Variants in CYSLTR2 observed in about 807,000 individuals in gnomAD.
CYSLTR2 encodes cysteinyl leukotriene receptor 2.
For missense variants in CYSLTR2, 398 were observed against 411.9 expected (o/e 0.97, Z 0.29); for synonymous variants, 179 against 160.8 (o/e 1.11, Z -0.86).
rs1954595625 is a variant in CYSLTR2, at chr13:48,709,887, G to T, written c.*2029G>T. 6.6e-6 allele frequency: 1 copy of T among 152,176 alleles called. No individual in the cohort carries two copies. The highest frequency in any genetic ancestry group is 1.5e-5 in the Non-Finnish European group (1 of 68,024). 9.4% of individuals were successfully genotyped at this position (152,176 alleles called of 1,614,324 possible). A position where few individuals can be genotyped will look rare whatever the true frequency, so the allele number is the denominator to read the frequency against. On this transcript the variant is annotated 3_prime_UTR_variant, in exon 5 of 5. Transcript: ENST00000682523. ...TTCATGTTGGAGCAGGACTCTTAAA[G>T]GACTCTAGGAGAGATGTCTCCCAGA...
chr13:48,697,433 C>A (rs1016615205), intron 4 of CYSLTR2, among the ~76,000 whole-genome samples: 2 of 152,164 alleles, frequency 1.3e-5, no homozygotes, highest in Admixed American at 1.3e-4. Context: ...TTCCAACAGA[C>A]CTGCAGCTGA....
intron 1 of CYSLTR2, among the ~76,000 whole-genome samples, chr13:48,678,354 C>A (rs2138881022): frequency 6.6e-6 from 1 of 152,160 alleles, no homozygotes; most frequent in Non-Finnish European, 1.5e-5. Context: ...CTCCTTAAAG[C>A]AATCTTTTTC....
chr13:48,695,762 A>T (rs1954168906), intron 3 of CYSLTR2, among the ~76,000 whole-genome samples: 1 of 152,202 alleles, frequency 6.6e-6, no homozygotes, highest in South Asian at 2.1e-4. Flanking sequence ...CACTCCTTTC[A>T]TTGCTGAGCA....
rs148551939 is a variant in CYSLTR2 at position 48,701,915 on chromosome 13, A to G, written c.-1-4902A>G. ...ACCCAGCCATCCCATTACTGGGCAT[A>G]TACCCAAAGGATTATAAATCATGCT... On this transcript the variant is annotated intron_variant, in intron 4 of 4. Transcript: ENST00000682523. Among the ~76,000 whole-genome samples, 1,035 of 152,314 alleles carry G rather than the reference A, an allele frequency of 6.8e-3. 10 individuals carry two copies. Among genetic ancestry groups the G allele is most frequent in the African/African-American group, 0.023 (963 of 41,560 alleles).
rs1351931946 is a variant in CYSLTR2 at position 48,709,188 on chromosome 13, T to C, written c.*1330T>C. On this transcript the variant is annotated 3_prime_UTR_variant, in exon 5 of 5. Transcript: ENST00000682523. Reference sequence around the variant, plus strand: ...CTACCCTTGTAAACTTCCAGGAAGATTGGTTGAAAGTCTGAATAAAAGCTG... The same window carrying C: ...CTACCCTTGTAAACTTCCAGGAAGACTGGTTGAAAGTCTGAATAAAAGCTG... The C allele has an allele frequency of 6.0e-6, 1 of 167,112 alleles. No individual in the cohort carries two copies. Among genetic ancestry groups the C allele is most frequent in the Non-Finnish European group, 1.5e-5 (1 of 68,126 alleles). 10.4% of individuals were successfully genotyped at this position (167,112 alleles called of 1,614,324 possible). A position where few individuals can be genotyped will look rare whatever the true frequency, so the allele number is the denominator to read the frequency against.
chr13:48,708,112 A>C lies in CYSLTR2; in HGVS notation c.*254A>C. ...GGGCTGAAATATCAGACTGGGAAAAAATGCAAAGCACATTGGATCCTACTT... is the reference window on the plus strand; with the variant it reads ...GGGCTGAAATATCAGACTGGGAAAACATGCAAAGCACATTGGATCCTACTT... On this transcript the variant is annotated 3_prime_UTR_variant, in exon 5 of 5. Transcript: ENST00000682523. 2 of 346,306 alleles carry C rather than the reference A, an allele frequency of 5.8e-6. No homozygotes were observed. The allele number at this position is 346,306 out of a possible 1,614,324, so 21.5% of individuals were successfully genotyped here.
At chr13:48,679,213 T>C (rs1953681869) in intron 1 of CYSLTR2, among the ~76,000 whole-genome samples, 2 of 152,126 alleles carry the variant, frequency 1.3e-5, no homozygotes, top group African/African-American at 2.4e-5. Flanking sequence ...CTCTCCTTAG[T>C]CAATCTCTCT....
intron 1 of CYSLTR2, among the ~76,000 whole-genome samples, chr13:48,678,827 G>T (rs1207462913): frequency 6.6e-6 from 1 of 152,058 alleles, no homozygotes; most frequent in African/African-American, 2.4e-5. Context: ...AGTCTGGTCA[G>T]TTCTCACTCC....
chr13:48,697,362 G>C (rs1954219804), intron 4 of CYSLTR2, among the ~76,000 whole-genome samples: 1 of 152,214 alleles, frequency 6.6e-6, no homozygotes, highest in Non-Finnish European at 1.5e-5. Context: ...TATATTTGCT[G>C]TTCTGCCGCT....
At chr13:48,656,723 G>T (rs950249028) in intron 1 of CYSLTR2, among the ~76,000 whole-genome samples, 2 of 152,148 alleles carry the variant, frequency 1.3e-5, no homozygotes, top group African/African-American at 4.8e-5. Context: ...GATCCTTTCT[G>T]CTTTTCTATA....
rs559515853 is a variant in CYSLTR2, at chr13:48,701,600, G to T, written c.-2+4974G>T. 2.1e-4 allele frequency among the ~76,000 whole-genome samples: 32 copies of T among 152,296 alleles called. No homozygotes were observed. The East Asian group carries it at 6.2e-3, about 29-fold the overall frequency. On this transcript the variant is annotated intron_variant, in intron 4 of 4. Coordinates refer to ENST00000682523, the MANE Select transcript of CYSLTR2 (RefSeq NM_001308476.3). ...ACAACCCCATCAAAAAGTGGGCAAA[G>T]GATATGAACAGACACTTCTCAAAAG...
rs577566602 is a variant in CYSLTR2, at chr13:48,661,973, T to C, written c.-266+7956T>C. ...TATTCCTCTCATCTAGTGGTAATTT[T>C]GTATCCTTTACCAAATCTCTCCCTT... On this transcript the variant is annotated intron_variant, in intron 1 of 4. Coordinates refer to ENST00000682523, the MANE Select transcript of CYSLTR2 (RefSeq NM_001308476.3). Among the ~76,000 whole-genome samples the C allele has an allele frequency of 1.6e-4, 25 of 152,342 alleles. 1 individual carries two copies. The South Asian group carries it at 5.2e-3, about 32-fold the overall frequency.
intron 1 of CYSLTR2, among the ~76,000 whole-genome samples, chr13:48,672,804 G>A (rs911041860): frequency 6.6e-6 from 1 of 151,698 alleles, no homozygotes; most frequent in Non-Finnish European, 1.5e-5. Flanking sequence ...TTTTAGTAGA[G>A]GCGGGGTTTC....
intron 1 of CYSLTR2, among the ~76,000 whole-genome samples, chr13:48,673,760 C>G (rs1347233060): frequency 6.6e-6 from 1 of 152,038 alleles, no homozygotes; most frequent in Non-Finnish European, 1.5e-5. Context: ...CTAGCTGGTA[C>G]CGGTTTTTCT....
At chr13:48,696,799 G>A (rs969178991) in intron 4 of CYSLTR2, among the ~76,000 whole-genome samples, 173 bp downstream of exon 4, 7 of 152,170 alleles carry the variant, frequency 4.6e-5, no homozygotes, top group Non-Finnish European at 1.0e-4. Flanking sequence ...CTAATACTGT[G>A]CTTTTCCAAC....
rs1479725346 is a variant in CYSLTR2, at chr13:48,708,052, G to A, written c.*194G>A. 6.5e-6 allele frequency: 3 copies of A among 463,874 alleles called. No homozygotes were observed. Among genetic ancestry groups the A allele is most frequent in the Non-Finnish European group, 1.1e-5 (3 of 262,276 alleles). The allele number at this position is 463,874 out of a possible 1,614,324, so 28.7% of individuals were successfully genotyped here. On this transcript the variant is annotated 3_prime_UTR_variant, in exon 5 of 5. Transcript: ENST00000682523. ...TTTTCAGTTGTTGAGTCTTAATGAG[G>A]GATACAGGAGGAAAAATCCCTACTA...
In CYSLTR2 at chr13:48,707,242, A is replaced by T. The variant is rs918463859; in HGVS notation, c.425A>T (p.His142Leu). 1.2e-6 allele frequency: 2 copies of T among 1,613,742 alleles called. No homozygotes were observed. The highest frequency in any genetic ancestry group is 3.3e-5 in the Admixed American group (2 of 59,986). ...GTTGTGCGTTTCCTGGCAATGGTTC[A>T]CCCCTTTCGGCTTCTGCATGTCACC... ...LSVVRFLAMV[H>L]PFRLLHVTSI... The change falls in exon 5 of 5, where the codon CAC becomes CTC. Residue 142 changes from histidine (H) to leucine (L), a missense_variant. By Grantham distance (99) the His-to-Leu change is moderately conservative. Coordinates refer to ENST00000682523, the MANE Select transcript of CYSLTR2 (RefSeq NM_001308476.3).
At position 48,707,067 on chromosome 13, in the gene CYSLTR2, G is replaced by A; in HGVS notation, c.250G>A (p.Asp84Asn). Reference protein sequence around the residue: ...NVFMLNLAISDLLFISTLPFR... With the variant: ...NVFMLNLAISNLLFISTLPFR... ...TTTCATGCTAAATCTGGCCATTTCA[G>A]ATCTCCTGTTCATAAGCACGCTTCC... Residue 84 changes from aspartate to asparagine, a missense_variant, in exon 5 of 5, where the codon GAT becomes AAT. Asp to Asn is a conservative substitution (Grantham distance 23). Transcript: ENST00000682523. The A allele has an allele frequency of 6.2e-7, 1 of 1,614,152 alleles. No individual in the cohort carries two copies. The highest frequency in any genetic ancestry group is 1.7e-5 in the Admixed American group (1 of 60,036).
At chr13:48,677,552 C>T (rs1371169492) in intron 1 of CYSLTR2, among the ~76,000 whole-genome samples, 1 of 152,116 alleles carries the variant, frequency 6.6e-6, no homozygotes, top group Non-Finnish European at 1.5e-5. Context: ...TTCTACCATA[C>T]TATGGCTCAA....
Sources: allele counts gnomAD v4.1 joint callset (sites outside exome capture counted in the v4.1 genomes callset), GRCh38; gene constraint gnomAD v4.1.1; transcripts MANE v1.5; gene names NCBI Gene and HGNC (gene_info 2026-07-23, HGNC 2026-07-21).